The following MCCC1 variants were observed in gnomAD, a reference collection of about 807,000 sequenced individuals.
The protein encoded by MCCC1 is methylcrotonyl-CoA carboxylase subunit 1.
MCCC1 carries 64 observed loss-of-function variants against 83.8 expected under a neutral mutation model. That is an observed-to-expected ratio of 0.76 (90% CI 0.62 to 0.94). The LOEUF (loss-of-function observed/expected upper bound fraction) is 0.94, where lower values mean the gene tolerates loss of function less well. Among genes scored for constraint, MCCC1 ranks in the 40% least tolerant of loss-of-function variants. The pLI is 0.00. For missense variants in MCCC1, 807 were observed against 904.7 expected (o/e 0.89, Z 1.39); for synonymous variants, 322 against 315.4 (o/e 1.02, Z -0.22).
At chr3:183,031,006 G>C (rs929176619) in intron 14 of MCCC1, among the ~76,000 whole-genome samples, 3 of 152,128 alleles carry the variant, frequency 2.0e-5, no homozygotes, top group African/African-American at 7.2e-5. Flanking sequence ...TCCTACCCTA[G>C]ATATCTCTTG....
At chr3:183,027,044 T>C (rs1712664655) in intron 14 of MCCC1, among the ~76,000 whole-genome samples, 1 of 152,264 alleles carries the variant, frequency 6.6e-6, no homozygotes. Context: ...TGTCTCTATG[T>C]CACATTTTTG....
intron 4 of MCCC1, among the ~76,000 whole-genome samples, chr3:183,073,595 T>C (rs1716853748): frequency 6.6e-6 from 1 of 152,262 alleles, no homozygotes; most frequent in Non-Finnish European, 1.5e-5. Flanking sequence ...ACAAATGTAA[T>C]GCCTTTCCCA....
At chr3:183,059,396 T>C (rs1715662025) in intron 7 of MCCC1, among the ~76,000 whole-genome samples, 1 of 152,262 alleles carries the variant, frequency 6.6e-6, no homozygotes, top group African/African-American at 2.4e-5. Flanking sequence ...TACATTCTCT[T>C]AATAAAATTC....
intron 1 of MCCC1, among the ~76,000 whole-genome samples, chr3:183,107,911 T>G (rs1285144005): frequency 6.6e-6 from 1 of 152,116 alleles, no homozygotes; most frequent in Non-Finnish European, 1.5e-5. Flanking sequence ...TACAGGCCAG[T>G]TGTTTTGTAC....
chr3:183,073,205 G>T (rs1357574200), intron 4 of MCCC1, among the ~76,000 whole-genome samples: 2 of 152,226 alleles, frequency 1.3e-5, no homozygotes, highest in Admixed American at 6.5e-5. Flanking sequence ...AAGTGGAATT[G>T]CTGGATCATA....
chr3:183,070,935 G>A (rs1716622001), intron 7 of MCCC1, 64 bp downstream of exon 7: 2 of 1,504,836 alleles, frequency 1.3e-6, no homozygotes, highest in Non-Finnish European at 1.8e-6. Flanking sequence ...TTTATAGAAT[G>A]TGCATGCATT....
In MCCC1 at chr3:183,030,036, G is replaced by T. The variant is rs1712922362; in HGVS notation, c.1681+3955C>A. On this transcript the variant is annotated intron_variant, in intron 14 of 18. Transcript: ENST00000265594. ...AATTAACATTCTCTAGGCCTGGGGA[G>T]GTGGCTCACACCTGTAATCCCAGTA... Among the ~76,000 whole-genome samples the T allele has an allele frequency of 5.9e-5, 9 of 152,164 alleles. No homozygotes were observed. In the South Asian group the frequency reaches 1.7e-3, roughly 28 times the overall value.
At chr3:183,100,743 C>T (rs1029944793), upstream of MCCC1, among the ~76,000 whole-genome samples, 1 of 152,236 alleles carries the variant, frequency 6.6e-6, no homozygotes, top group African/African-American at 2.4e-5. Flanking sequence ...TGGCAGTCCT[C>T]AGAACCCTCG....
At chr3:183,089,744 A>T (rs1467031278) in intron 3 of MCCC1, among the ~76,000 whole-genome samples, 2 of 152,178 alleles carry the variant, frequency 1.3e-5, no homozygotes, top group African/African-American at 4.8e-5. Flanking sequence ...AAGGATCTAG[A>T]GTAGGAAAGA....
intron 4 of MCCC1, among the ~76,000 whole-genome samples, chr3:183,082,521 C>T (rs945901343): frequency 1.3e-5 from 2 of 152,310 alleles, no homozygotes; most frequent in African/African-American, 4.8e-5. Flanking sequence ...AGAATCAAAA[C>T]ATCACAAGCA....
Position 183,099,363 on chromosome 3 carries a change from G to C in MCCC1, c.78C>G (p.Leu26=). ...RNRWHRLPSL[L]LPPRTWVWRQ... ...GCCCCTCCACCCACCTCGGCGGCAG[G>C]AGCAGGCTCGGGAGACGATGCCACC... The change falls in exon 1 of 19, where the codon CTC becomes CTG. Residue 26 remains leucine, a synonymous_variant. Transcript: ENST00000265594. 6.2e-7 allele frequency: 1 copy of C among 1,601,348 alleles called. No homozygotes were observed. The highest frequency in any genetic ancestry group is 8.5e-7 in the Non-Finnish European group (1 of 1,176,034).
At chr3:183,060,575 A>ATT (rs1193107858) in intron 7 of MCCC1, among the ~76,000 whole-genome samples, 2 of 151,532 alleles carry the variant, frequency 1.3e-5, no homozygotes, top group Non-Finnish European at 2.9e-5. Flanking sequence ...AAATACACTT[A>ATT]TAGTTTTTTT....
chr3:183,102,591 C>G (rs1322643222), upstream of MCCC1, among the ~76,000 whole-genome samples: 3 of 151,738 alleles, frequency 2.0e-5, no homozygotes, highest in Non-Finnish European at 2.9e-5. Flanking sequence ...CTCAGTAATT[C>G]AAGAAGTGAT....
At chr3:183,094,697 C>T (rs549679420) in intron 1 of MCCC1, 92 bp from the exon 2 acceptor site, 1 of 1,309,150 alleles carries the variant, frequency 7.6e-7, no homozygotes, top group Admixed American at 1.7e-5. Context: ...AAACATGAAA[C>T]CTTAAGCCAA....
chr3:183,113,079 C>T (rs1719526970), intron 1 of MCCC1, among the ~76,000 whole-genome samples: 2 of 151,826 alleles, frequency 1.3e-5, no homozygotes, highest in South Asian at 4.2e-4. Context: ...CAAAAATTAG[C>T]TGGGCGTGGT....
At chr3:183,050,977 A>G (rs1714933193) in intron 9 of MCCC1, among the ~76,000 whole-genome samples, 2 of 152,210 alleles carry the variant, frequency 1.3e-5, no homozygotes, top group South Asian at 2.1e-4. Context: ...AAATTAAAAC[A>G]ATGAGATACC....
At chr3:183,109,903 C>T (rs537228194) in intron 1 of MCCC1, among the ~76,000 whole-genome samples, 9 of 152,138 alleles carry the variant, frequency 5.9e-5, no homozygotes, top group Non-Finnish European at 1.3e-4. Flanking sequence ...TTCTCTACAG[C>T]CTCACTGTCT....
upstream of MCCC1, among the ~76,000 whole-genome samples, chr3:183,102,198 G>A (rs1719322851): frequency 6.6e-6 from 1 of 151,890 alleles, no homozygotes; most frequent in African/African-American, 2.4e-5. Context: ...ACCCGCATCT[G>A]CACAAACATT....
At chr3:183,087,898 A>G (rs1283286880) in intron 3 of MCCC1, among the ~76,000 whole-genome samples, 3 of 151,136 alleles carry the variant, frequency 2.0e-5, no homozygotes, top group African/African-American at 7.3e-5. Context: ...AAGGATGATC[A>G]AGACTTTGCC....
Sources: allele counts gnomAD v4.1 joint callset (sites outside exome capture counted in the v4.1 genomes callset), GRCh38; gene constraint gnomAD v4.1.1; transcripts MANE v1.5; gene names NCBI Gene and HGNC (gene_info 2026-07-23, HGNC 2026-07-21).